Variants in ARSJ observed in about 807,000 individuals in gnomAD.
ARSJ encodes the protein arylsulfatase family member J.
ARSJ carries 26 observed loss-of-function variants against 35.9 expected under a neutral mutation model. The observed-to-expected ratio is 0.72, with a 90% CI of 0.53 to 1.00. ARSJ has a LOEUF of 1.00. ARSJ is among the 50% of genes least tolerant of loss of function. ARSJ has a pLI of 0.00. For missense variants in ARSJ, 667 were observed against 723.6 expected (o/e 0.92, Z 0.90); for synonymous variants, 294 against 267.6 (o/e 1.10, Z -0.96).
At chr4:113,911,794 C>T (rs527631818) in intron 1 of ARSJ, among the ~76,000 whole-genome samples, 3 of 152,174 alleles carry the variant, frequency 2.0e-5, no homozygotes, top group East Asian at 1.9e-4. Flanking sequence ...AAATATTTGA[C>T]GAATACATTT....
intron 1 of ARSJ, among the ~76,000 whole-genome samples, chr4:113,926,314 T>G (rs1445954625): frequency 2.0e-5 from 3 of 152,132 alleles, no homozygotes; most frequent in Non-Finnish European, 2.9e-5. Flanking sequence ...ATCCAGCCAT[T>G]TCTCCTTCCA....
intron 1 of ARSJ, among the ~76,000 whole-genome samples, chr4:113,913,589 T>G (rs1170908652): frequency 6.6e-6 from 1 of 152,192 alleles, no homozygotes; most frequent in Non-Finnish European, 1.5e-5. Context: ...GAATAAAATG[T>G]AAGAGGGAAC....
In ARSJ at chr4:113,901,852, TGCTA is replaced by T; in HGVS notation, c.*418_*421del. ...AATTTATCAAAGGTAGTTTTAATCA[TGCTA>T]CCCTGTAACTTCCATCAAATTAGCA... On this transcript the variant is annotated 3_prime_UTR_variant, in exon 2 of 2. Coordinates refer to ENST00000315366, the MANE Select transcript of ARSJ (RefSeq NM_024590.4). 1 of 194,306 alleles carries T rather than the reference TGCTA, an allele frequency of 5.1e-6. No individual in the cohort carries two copies. The highest frequency in any genetic ancestry group is 1.1e-5 in the Non-Finnish European group (1 of 93,110). The allele number at this position is 194,306 out of a possible 1,614,324, so 12.0% of individuals were successfully genotyped here. A position where few individuals can be genotyped will look rare whatever the true frequency, so the allele number is the denominator to read the frequency against.
At chr4:113,974,288 C>T (rs943405279) in intron 1 of ARSJ, among the ~76,000 whole-genome samples, 1 of 151,584 alleles carries the variant, frequency 6.6e-6, no homozygotes, top group Non-Finnish European at 1.5e-5. Context: ...ATTAAAACCT[C>T]CCGTTAATAA....
intron 1 of ARSJ, among the ~76,000 whole-genome samples, chr4:113,951,504 A>G (rs1725863430): frequency 1.3e-5 from 2 of 152,066 alleles, no homozygotes; most frequent in Non-Finnish European, 2.9e-5. Context: ...TGAAGTCGAC[A>G]CTTTATTAAG....
intron 1 of ARSJ, among the ~76,000 whole-genome samples, chr4:113,925,791 G>A (rs937005824): frequency 4.6e-5 from 7 of 152,170 alleles, no homozygotes; most frequent in Admixed American, 2.6e-4. Context: ...ATTCCAGTGA[G>A]GACAAACCAC....
chr4:113,973,963 G>T (rs1727436725), intron 1 of ARSJ, among the ~76,000 whole-genome samples: 1 of 152,160 alleles, frequency 6.6e-6, no homozygotes, highest in Non-Finnish European at 1.5e-5. Flanking sequence ...ATGAGAATTG[G>T]AATGGAAAAG....
At chr4:113,955,604 A>G (rs942424411) in intron 1 of ARSJ, among the ~76,000 whole-genome samples, 25 of 152,104 alleles carry the variant, frequency 1.6e-4, no homozygotes, top group Non-Finnish European at 3.4e-4. Flanking sequence ...TACCATGCAC[A>G]TAATAATTAC....
chr4:113,946,595 G>A (rs547413751), intron 1 of ARSJ, among the ~76,000 whole-genome samples: 72 of 140,984 alleles, frequency 5.1e-4, no homozygotes, highest in Middle Eastern at 7.6e-3. Context: ...ACACACACAC[G>A]TCAGTAAGTA....
chr4:113,977,514 C>G (rs1045058349), intron 1 of ARSJ, among the ~76,000 whole-genome samples: 13 of 152,174 alleles, frequency 8.5e-5, no homozygotes, highest in African/African-American at 3.1e-4. Context: ...AATCACAAGA[C>G]ATAGATTGAA....
intron 1 of ARSJ, among the ~76,000 whole-genome samples, chr4:113,949,343 A>AATC (rs1224581163): frequency 1.3e-5 from 2 of 152,094 alleles, no homozygotes; most frequent in South Asian, 4.1e-4. Context: ...TAATAATAAT[A>AATC]ATAAAACAAC....
chr4:113,910,786 G>A (rs2099670197), intron 1 of ARSJ, among the ~76,000 whole-genome samples: 1 of 152,128 alleles, frequency 6.6e-6, no homozygotes, highest in Non-Finnish European at 1.5e-5. Context: ...TAGCTTTGGG[G>A]ATTACAACAG....
At chr4:113,955,599 T>C (rs1242812652) in intron 1 of ARSJ, among the ~76,000 whole-genome samples, 1 of 152,074 alleles carries the variant, frequency 6.6e-6, no homozygotes, top group African/African-American at 2.4e-5. Flanking sequence ...ATAAATACCA[T>C]GCACATAATA....
chr4:113,951,862 T>A (rs1212843883), intron 1 of ARSJ, among the ~76,000 whole-genome samples: 1 of 152,092 alleles, frequency 6.6e-6, no homozygotes, highest in African/African-American at 2.4e-5. Flanking sequence ...TTATAAATTG[T>A]TATTGAATAA....
chr4:113,912,976 A>G (rs747162847), intron 1 of ARSJ, among the ~76,000 whole-genome samples: 1 of 152,144 alleles, frequency 6.6e-6, no homozygotes, highest in Non-Finnish European at 1.5e-5. Context: ...AATTTGAAAT[A>G]AAAAGGATTA....
chr4:113,938,189 C>T (rs996086246), intron 1 of ARSJ, among the ~76,000 whole-genome samples: 2 of 151,902 alleles, frequency 1.3e-5, no homozygotes, highest in East Asian at 1.9e-4. Context: ...CAAAAACAGA[C>T]ACATAGACCA....
At chr4:113,966,024 G>T (rs1302012562) in intron 1 of ARSJ, among the ~76,000 whole-genome samples, 1 of 151,436 alleles carries the variant, frequency 6.6e-6, no homozygotes, top group African/African-American at 2.4e-5. Flanking sequence ...AAGATTATTT[G>T]GTTTCACATT....
rs189612723 is a variant in ARSJ at position 113,968,702 on chromosome 4, C to T, written c.398+9735G>A. Among the ~76,000 whole-genome samples the T allele has an allele frequency of 1.4e-3, 213 of 152,288 alleles. 1 individual carries two copies. The highest frequency in any genetic ancestry group is 4.9e-3 in the African/African-American group (203 of 41,568). ...GATTGCAACAGAACTTTGGCAGAGG[C>T]CAGATTTTGAAGGCCCTTATATGGA... On this transcript the variant is annotated intron_variant, in intron 1 of 1. Transcript: ENST00000315366.
chr4:113,919,382 C>T (rs9995339), intron 1 of ARSJ, among the ~76,000 whole-genome samples: 1 of 152,012 alleles, frequency 6.6e-6, no homozygotes, highest in African/African-American at 2.4e-5. Context: ...TCTATGTATT[C>T]ACATCTGCTT....
Sources: gnomAD v4.1 joint callset for allele counts (sites outside exome capture counted in the v4.1 genomes callset) on GRCh38, gnomAD v4.1.1 for gene constraint, MANE v1.5 for transcripts, NCBI Gene and HGNC (gene_info 2026-07-23, HGNC 2026-07-21) for gene names.